Variants in FAM120A observed in about 807,000 individuals in gnomAD.
FAM120A encodes the protein constitutive coactivator of PPAR-gamma-like protein 1.
Under a neutral mutation model 109.7 loss-of-function variants are expected in FAM120A, and 15 were observed. The ratio of observed to expected loss-of-function variants is 0.14; its 90% CI spans 0.09 to 0.21. The LOEUF (loss-of-function observed/expected upper bound fraction) is 0.21. Among genes scored for constraint, FAM120A ranks in the 10% least tolerant of loss-of-function variants. The pLI, the probability that FAM120A is intolerant of heterozygous loss-of-function variation, is 1.00. For synonymous variants in FAM120A, 493 were observed against 572.8 expected (o/e 0.86, Z 1.99); for missense variants, 899 against 1,439.3 (o/e 0.62, Z 6.07).
At chr9:93,553,120 A>C (rs1309992010) in intron 12 of FAM120A, among the ~76,000 whole-genome samples, 1 of 152,212 alleles carries the variant, frequency 6.6e-6, no homozygotes, top group East Asian at 1.9e-4. Context: ...TACCTGTGAC[A>C]GTGATTGATG....
chr9:93,495,978 T>C, intron 3 of FAM120A, among the ~76,000 whole-genome samples: 1 of 152,242 alleles, frequency 6.6e-6, no homozygotes, highest in East Asian at 1.9e-4. Flanking sequence ...ATATCTTTGA[T>C]AGCATCTTCA....
At chr9:93,467,558 A>G (rs1026047840) in intron 1 of FAM120A, among the ~76,000 whole-genome samples, 2 of 152,062 alleles carry the variant, frequency 1.3e-5, no homozygotes, top group Non-Finnish European at 2.9e-5. Flanking sequence ...GACTTGGGAT[A>G]GGAAAGATGG....
At chr9:93,528,400 C>T (rs1225728033) in intron 8 of FAM120A, among the ~76,000 whole-genome samples, 1 of 152,150 alleles carries the variant, frequency 6.6e-6, no homozygotes, top group East Asian at 1.9e-4. Context: ...AATCAATAAG[C>T]AGTTCTTATT....
chr9:93,523,233 C>A, intron 7 of FAM120A: 1 of 1,010,346 alleles, frequency 9.9e-7, no homozygotes, highest in Non-Finnish European at 1.3e-6. Context: ...GCCTGATGTG[C>A]CTCTTTTGCT....
chr9:93,542,160 A>G (rs537565660), intron 10 of FAM120A, among the ~76,000 whole-genome samples: 10 of 152,202 alleles, frequency 6.6e-5, no homozygotes, highest in Non-Finnish European at 1.3e-4. Flanking sequence ...CCGTACAGAC[A>G]CTGGCCTTGG....
chr9:93,452,731 ATCAC>A lies in FAM120A; in HGVS notation c.474+347_474+350del, dbSNP rs1164924608. The A allele has an allele frequency of 1.9e-6, 3 of 1,597,996 alleles. No individual in the cohort carries two copies. In the African/African-American group the frequency reaches 4.0e-5, roughly 21 times the overall value. On this transcript the variant is annotated intron_variant, in intron 1 of 17. Coordinates refer to ENST00000277165, the MANE Select transcript of FAM120A (RefSeq NM_014612.5). This position sits in a 1 kb window ranked among gnomAD's most constrained non-coding sequence, Gnocchi z 7.0. ...CCATCCTATTTGAGGCGGGCAGGCT[ATCAC>A]TCACCTTCAACTTTGACAAAATACT...
Position 93,543,483 on chromosome 9 carries a change from G to A in FAM120A, c.2159+12G>A, listed in dbSNP as rs773873209. On this transcript the variant is annotated intron_variant, in intron 11 of 17. Transcript: ENST00000277165. ...TGCTGCGTCTTACGGTGGGTGCCAT[G>A]CATGGGAGCTGGGACCTGGGTCCCC... 1 of 1,610,096 alleles carries A rather than the reference G, an allele frequency of 6.2e-7. No individual in the cohort carries two copies. The highest frequency in any genetic ancestry group is 1.7e-5 in the Admixed American group (1 of 59,910).
At chr9:93,459,739 G>C (rs1478245745) in intron 1 of FAM120A, among the ~76,000 whole-genome samples, 1 of 151,996 alleles carries the variant, frequency 6.6e-6, no homozygotes, top group African/African-American at 2.4e-5. Flanking sequence ...GGCATTTTTG[G>C]TTGTCACAGC....
At position 93,471,228 on chromosome 9, in the gene FAM120A, G is replaced by T; in HGVS notation, c.562G>T (p.Asp188Tyr). Residue 188 changes from aspartate to tyrosine, a missense_variant, in exon 2 of 18, where the codon GAT (aspartate) becomes TAT (tyrosine). Asp to Tyr is a radical substitution (Grantham distance 160, BLOSUM62 -3). This residue lies in a region of FAM120A where 258 missense variants were observed against 451.4 expected (regional missense o/e 0.57). Coordinates refer to ENST00000277165, the MANE Select transcript of FAM120A (RefSeq NM_014612.5). Reference sequence around the variant, plus strand: ...CCATGGCTTGGTTGCGTATGACTCTGATTATGCACTGTGCAACATCCCCTA... The same window carrying T: ...CCATGGCTTGGTTGCGTATGACTCTTATTATGCACTGTGCAACATCCCCTA... Reference protein sequence around the residue: ...GFHGLVAYDSDYALCNIPYYF... With the variant: ...GFHGLVAYDSYYALCNIPYYF... The T allele has an allele frequency of 1.2e-6, 2 of 1,614,164 alleles. No individual in the cohort carries two copies. The highest frequency in any genetic ancestry group is 1.7e-6 in the Non-Finnish European group (2 of 1,180,030).
intron 5 of FAM120A, among the ~76,000 whole-genome samples, chr9:93,508,183 G>A (rs144996671): frequency 3.9e-4 from 60 of 152,298 alleles, no homozygotes; most frequent in African/African-American, 1.3e-3. Context: ...CATATGTGTA[G>A]AGCAGCCAGG....
intron 3 of FAM120A, among the ~76,000 whole-genome samples, chr9:93,481,015 C>CT (rs1858776978): frequency 6.6e-6 from 1 of 152,226 alleles, no homozygotes; most frequent in Admixed American, 6.5e-5. Flanking sequence ...AGCCCAGCCT[C>CT]TGTTTCCCTT....
chr9:93,460,572 T>A (rs890319931), intron 1 of FAM120A, among the ~76,000 whole-genome samples: 2 of 152,182 alleles, frequency 1.3e-5, no homozygotes, highest in Admixed American at 6.5e-5. Flanking sequence ...CCTGACCTCG[T>A]GATCCACCCG....
At chr9:93,547,404 C>CA (rs1352323199) in intron 11 of FAM120A, among the ~76,000 whole-genome samples, 24 of 152,222 alleles carry the variant, frequency 1.6e-4, no homozygotes, top group African/African-American at 5.8e-4. Flanking sequence ...GCCTGGGTGA[C>CA]ACAGCAGGTG....
intron 10 of FAM120A, among the ~76,000 whole-genome samples, chr9:93,541,018 T>G (rs1861677910): frequency 6.6e-6 from 1 of 151,774 alleles, no homozygotes; most frequent in African/African-American, 2.4e-5. Flanking sequence ...ATGCACAACC[T>G]AAACCCATGC....
chr9:93,510,850 C>T (rs1374526886), intron 5 of FAM120A, among the ~76,000 whole-genome samples: 3 of 151,240 alleles, frequency 2.0e-5, no homozygotes, highest in Non-Finnish European at 4.4e-5. Context: ...GAACTGAATA[C>T]ATTTAGATAA....
rs942320823 is a variant in FAM120A at position 93,565,960 on chromosome 9, G to A, written c.*1420G>A. ...AGAGCTAAGTAGGATCTTACTGTAA[G>A]TTGAAGGGAGTTTTGCCCTAACTCA... On this transcript the variant is annotated 3_prime_UTR_variant, in exon 18 of 18. Coordinates refer to ENST00000277165, the MANE Select transcript of FAM120A (RefSeq NM_014612.5). 3.9e-5 allele frequency: 6 copies of A among 152,668 alleles called. No individual in the cohort carries two copies. The highest frequency in any genetic ancestry group is 1.3e-4 in the Admixed American group (2 of 15,288). 9.5% of individuals were successfully genotyped at this position (152,668 alleles called of 1,614,324 possible). A position where few individuals can be genotyped will look rare whatever the true frequency, so the allele number is the denominator to read the frequency against.
chr9:93,527,451 T>C (rs1018165672), intron 8 of FAM120A, among the ~76,000 whole-genome samples: 2 of 152,152 alleles, frequency 1.3e-5, no homozygotes, highest in Non-Finnish European at 2.9e-5. Flanking sequence ...TGCATTTCCT[T>C]GTTTGCTCAC....
intron 1 of FAM120A, among the ~76,000 whole-genome samples, chr9:93,457,192 C>T (rs1445974629): frequency 6.6e-6 from 1 of 152,150 alleles, no homozygotes. Flanking sequence ...ATGAATAATG[C>T]TTCTATGAGC....
intron 9 of FAM120A, among the ~76,000 whole-genome samples, chr9:93,531,884 T>C (rs1487957128): frequency 1.3e-5 from 2 of 152,262 alleles, no homozygotes; most frequent in Non-Finnish European, 2.9e-5. Flanking sequence ...TCAAAGACTT[T>C]GGAACATCTA....
Sources: allele counts gnomAD v4.1 joint callset (sites outside exome capture counted in the v4.1 genomes callset), GRCh38; gene constraint gnomAD v4.1.1; regional missense constraint gnomAD v4.1.1; non-coding constraint Gnocchi (gnomAD v3.1); transcripts MANE v1.5; gene names NCBI Gene and HGNC (gene_info 2026-07-23, HGNC 2026-07-21).